Variants in TBC1D19 observed in about 807,000 individuals in gnomAD.
TBC1D19 encodes the protein TBC1 domain family, member 19.
TBC1D19 carries 60 observed loss-of-function variants against 89.0 expected under a neutral mutation model. That is an observed-to-expected ratio of 0.67 (90% CI 0.55 to 0.84). The LOEUF (loss-of-function observed/expected upper bound fraction) is 0.84. Among genes scored for constraint, TBC1D19 ranks in the 40% least tolerant of loss-of-function variants. The pLI, the probability that TBC1D19 is intolerant of heterozygous loss-of-function variation, is 0.00. For synonymous variants in TBC1D19, 189 were observed against 199.7 expected (o/e 0.95, Z 0.45); for missense variants, 500 against 610.8 (o/e 0.82, Z 1.91).
intron 13 of TBC1D19, among the ~76,000 whole-genome samples, chr4:26,705,924 A>T (rs1267205057): frequency 6.6e-6 from 1 of 151,844 alleles, no homozygotes; most frequent in Non-Finnish European, 1.5e-5. Context: ...GAAAGACAGG[A>T]TCTCCCTATG....
Position 26,755,067 on chromosome 4 carries a change from C to T in TBC1D19, c.*120C>T. 1 of 837,768 alleles carries T rather than the reference C, an allele frequency of 1.2e-6. No individual in the cohort carries two copies. The highest frequency in any genetic ancestry group is 3.0e-5 in the Admixed American group (1 of 33,606). The allele number at this position is 837,768 out of a possible 1,614,324, so 51.9% of individuals were successfully genotyped here. ...ATATAAGCCAATAAAGATCATGTTC[C>T]CTCTTCAGTTAAACCTAAGTAGTTT... On this transcript the variant is annotated 3_prime_UTR_variant, in exon 21 of 21. Transcript: ENST00000264866.
the TBC1D19 span, among the ~76,000 whole-genome samples, chr4:26,764,649 A>G: frequency 6.6e-6 from 1 of 152,206 alleles, no homozygotes; most frequent in Non-Finnish European, 1.5e-5. Flanking sequence ...TCCAAATCTC[A>G]TTCAACAGAA....
At chr4:26,577,955 A>G (rs1739006397) in intron 1 of TBC1D19, among the ~76,000 whole-genome samples, 1 of 152,256 alleles carries the variant, frequency 6.6e-6, no homozygotes, top group Non-Finnish European at 1.5e-5. Context: ...ATTTTGAGCT[A>G]AGAACTATTG....
chr4:26,831,217 G>C, the TBC1D19 span, among the ~76,000 whole-genome samples: 1 of 152,198 alleles, frequency 6.6e-6, no homozygotes, highest in African/African-American at 2.4e-5. Flanking sequence ...TCACACTGCA[G>C]ATGCTATGTC....
intron 7 of TBC1D19, among the ~76,000 whole-genome samples, chr4:26,650,603 C>T (rs983857046): frequency 9.2e-5 from 14 of 152,044 alleles, no homozygotes; most frequent in African/African-American, 3.1e-4. Flanking sequence ...ATTGTAGATT[C>T]TGGATATTAG....
At chr4:26,724,295 T>G (rs1226903466) in intron 15 of TBC1D19, among the ~76,000 whole-genome samples, 1 of 152,166 alleles carries the variant, frequency 6.6e-6, no homozygotes, top group East Asian at 1.9e-4. Context: ...TTTTTATTAT[T>G]TTTTTTCCTG....
At chr4:26,761,378 T>C in the TBC1D19 span, among the ~76,000 whole-genome samples, 1 of 152,218 alleles carries the variant, frequency 6.6e-6, no homozygotes, top group African/African-American at 2.4e-5. Context: ...TTAATTTTAC[T>C]CAGTAATATT....
the TBC1D19 span, among the ~76,000 whole-genome samples, chr4:26,832,731 G>A: frequency 2.0e-5 from 3 of 152,096 alleles, no homozygotes; most frequent in Non-Finnish European, 4.4e-5. Context: ...ATACCCCCTC[G>A]ACTATAATCC....
intron 1 of TBC1D19, among the ~76,000 whole-genome samples, chr4:26,604,603 G>T (rs1279438315): frequency 6.7e-6 from 1 of 149,764 alleles, no homozygotes; most frequent in African/African-American, 2.5e-5. Flanking sequence ...GGGCATGGTG[G>T]CTCACGCCTG....
intron 1 of TBC1D19, among the ~76,000 whole-genome samples, chr4:26,602,733 C>A (rs1047014125): frequency 5.9e-5 from 9 of 151,818 alleles, no homozygotes; most frequent in Non-Finnish European, 1.0e-4. Flanking sequence ...AGCCACCACG[C>A]CCAGCCAGCT....
At chr4:26,597,267 T>A (rs1174705051) in intron 1 of TBC1D19, among the ~76,000 whole-genome samples, 2 of 152,222 alleles carry the variant, frequency 1.3e-5, no homozygotes, top group African/African-American at 4.8e-5. Context: ...ATATACAGAT[T>A]GATCTTATGA....
chr4:26,748,544 T>C lies in TBC1D19; in HGVS notation c.1435+18T>C. 1 of 1,545,656 alleles carries C rather than the reference T, an allele frequency of 6.5e-7. No homozygotes were observed. Among genetic ancestry groups the C allele is most frequent in the East Asian group, 2.2e-5 (1 of 44,506 alleles). On this transcript the variant is annotated intron_variant, in intron 19 of 20. Coordinates refer to ENST00000264866, the MANE Select transcript of TBC1D19 (RefSeq NM_018317.4). Reference sequence around the variant, plus strand: ...TCTTGCTGGTAAGAGTAAATGCTTGTTTGTAGAACACATGCTGTTTCTATA... The same window carrying C: ...TCTTGCTGGTAAGAGTAAATGCTTGCTTGTAGAACACATGCTGTTTCTATA...
intron 15 of TBC1D19, among the ~76,000 whole-genome samples, chr4:26,731,171 G>A (rs559994687): frequency 2.2e-4 from 34 of 152,292 alleles, no homozygotes; most frequent in East Asian, 1.9e-4. Context: ...GAAGAGGACC[G>A]ATTAATGAAT....
the TBC1D19 span, among the ~76,000 whole-genome samples, chr4:26,849,372 T>C: frequency 6.6e-6 from 1 of 152,220 alleles, no homozygotes; most frequent in Non-Finnish European, 1.5e-5. Context: ...GGTTCAGATA[T>C]TACTTCTGAT....
chr4:26,830,263 C>T, the TBC1D19 span, among the ~76,000 whole-genome samples: 2 of 152,150 alleles, frequency 1.3e-5, no homozygotes, highest in Admixed American at 1.3e-4. Context: ...CTTGAATGAC[C>T]AGGACTCTTG....
chr4:26,850,864 T>C, the TBC1D19 span, among the ~76,000 whole-genome samples: 1 of 152,142 alleles, frequency 6.6e-6, no homozygotes, highest in Non-Finnish European at 1.5e-5. Flanking sequence ...GGCAAGGCAT[T>C]GTTTCTGGGC....
intron 10 of TBC1D19, 97 bp downstream of exon 10, chr4:26,672,284 G>C (rs1712384274): frequency 4.0e-6 from 4 of 1,011,008 alleles, no homozygotes; most frequent in Middle Eastern, 2.9e-4. Flanking sequence ...TTTAATCTCT[G>C]AAAAGTGAAA....
At chr4:26,736,381 CTG>C (rs747863895) in intron 16 of TBC1D19, among the ~76,000 whole-genome samples, 3 of 136,626 alleles carry the variant, frequency 2.2e-5, no homozygotes, top group Non-Finnish European at 4.6e-5. Context: ...ACATCACACT[CTG>C]GGGACTGTTG....
intron 7 of TBC1D19, among the ~76,000 whole-genome samples, chr4:26,646,914 A>T (rs1744008139): frequency 6.6e-6 from 1 of 152,204 alleles, no homozygotes; most frequent in African/African-American, 2.4e-5. Context: ...GTACCCTAGA[A>T]CTTAAAGTAT....
Sources: gnomAD v4.1 joint callset for allele counts (sites outside exome capture counted in the v4.1 genomes callset) on GRCh38, gnomAD v4.1.1 for gene constraint, MANE v1.5 for transcripts, NCBI Gene and HGNC (gene_info 2026-07-23, HGNC 2026-07-21) for gene names.